MS4A3: variants seen among roughly 807,000 people sequenced by gnomAD.
MS4A3 encodes the protein membrane-spanning 4-domains subfamily A member 3.
A neutral mutation model predicts 24.7 loss-of-function variants in MS4A3; 18 were observed. The ratio of observed to expected loss-of-function variants is 0.73; its 90% CI spans 0.50 to 1.08. MS4A3 has a LOEUF of 1.08. Among genes scored for constraint, MS4A3 ranks in the 50% least tolerant of loss-of-function variants. The probability of loss-of-function intolerance (pLI) is 0.00; values close to 1 mark genes in which losing one functional copy is unlikely to be tolerated. For synonymous variants in MS4A3, 84 were observed against 95.3 expected (o/e 0.88, Z 0.69); for missense variants, 282 against 251.7 (o/e 1.12, Z -0.82).
In MS4A3 at chr11:60,068,867, C is replaced by T. The variant is rs997871525; in HGVS notation, c.514-707C>T. Among the ~76,000 whole-genome samples, 5 of 152,172 alleles carry T rather than the reference C, an allele frequency of 3.3e-5. No individual in the cohort carries two copies. In the South Asian group the frequency reaches 1.0e-3, roughly 32 times the overall value. On this transcript the variant is annotated intron_variant, in intron 5 of 6. Transcript: ENST00000278865. ...ATCCCTCCCCCAGCCCCCCACCCCA[C>T]GACAGGCCCTGGTGTGTGATGTTCC...
intron 1 of MS4A3, among the ~76,000 whole-genome samples, chr11:60,059,057 A>G (rs940723121): frequency 6.6e-6 from 1 of 152,204 alleles, no homozygotes; most frequent in African/African-American, 2.4e-5. Context: ...ATGAAAATCA[A>G]TATTGGTAGG....
rs189919444 is a variant in MS4A3 at position 60,070,486 on chromosome 11, C to A, written c.*253C>A. On this transcript the variant is annotated 3_prime_UTR_variant, in exon 7 of 7. Coordinates refer to ENST00000278865, the MANE Select transcript of MS4A3 (RefSeq NM_006138.5). The stretch of plus-strand genomic sequence containing the variant: ...TTTAGGCATTCTTGGATATCTGTAA[C>A]TTCTATGATCATTACTCCAAAGTTG... 19 of 411,884 alleles carry A rather than the reference C, an allele frequency of 4.6e-5. No individual in the cohort carries two copies. In the East Asian group the frequency reaches 8.1e-4, roughly 18 times the overall value. 25.5% of individuals were successfully genotyped at this position (411,884 alleles called of 1,614,324 possible).
In MS4A3 at chr11:60,061,285, A is replaced by C; in HGVS notation, c.125A>C (p.Asp42Ala). The C allele has an allele frequency of 6.2e-7, 1 of 1,611,306 alleles. No individual in the cohort carries two copies. Among genetic ancestry groups the C allele is most frequent in the Admixed American group, 1.7e-5 (1 of 59,138 alleles). The change falls in exon 2 of 7, where the codon GAT (aspartate) becomes GCT (alanine). Residue 42 changes from aspartate to alanine, a missense_variant. Coordinates refer to ENST00000278865, the MANE Select transcript of MS4A3 (RefSeq NM_006138.5). ...TACCAGCCCATAGATGGATCACCAGATTATCAGAAAGCAAAATTACAAGTT... is the reference window on the plus strand; with the variant it reads ...TACCAGCCCATAGATGGATCACCAGCTTATCAGAAAGCAAAATTACAAGTT... ...SVYQPIDGSP[D>A]YQKAKLQVLG...
chr11:60,062,255 G>C (rs888678261), intron 2 of MS4A3, among the ~76,000 whole-genome samples: 1 of 152,186 alleles, frequency 6.6e-6, no homozygotes, highest in Non-Finnish European at 1.5e-5. Context: ...AAATGTGGGG[G>C]AGAGGTGAAG....
At chr11:60,062,662 T>A (rs1353848441) in intron 3 of MS4A3, 57 bp downstream of exon 3, 5 of 1,588,458 alleles carry the variant, frequency 3.1e-6, no homozygotes, top group Non-Finnish European at 4.3e-6. Context: ...CTGCTGGAGA[T>A]GTGTTTGATG....
intron 4 of MS4A3, among the ~76,000 whole-genome samples, chr11:60,065,638 G>T (rs904406279): frequency 1.3e-5 from 2 of 152,136 alleles, no homozygotes; most frequent in Non-Finnish European, 2.9e-5. Flanking sequence ...CTAAAACAAC[G>T]GTCAACTCTT....
At position 60,069,571 on chromosome 11, in the gene MS4A3, T is replaced by C. The variant is rs762975918; in HGVS notation, c.514-3T>C. 1.9e-6 allele frequency: 3 copies of C among 1,605,328 alleles called. No individual in the cohort carries two copies. The highest frequency in any genetic ancestry group is 2.2e-5 in the South Asian group (2 of 90,614). ...GTTTGATATAAGGCATCATATCCCCTAGGGCATGGTGTCTCTACTGCTGAT... is the reference window on the plus strand; with the variant it reads ...GTTTGATATAAGGCATCATATCCCCCAGGGCATGGTGTCTCTACTGCTGAT... On this transcript the variant is annotated splice_region_variant and splice_polypyrimidine_tract_variant and intron_variant, in intron 5 of 6. Coordinates refer to ENST00000278865, the MANE Select transcript of MS4A3 (RefSeq NM_006138.5).
chr11:60,062,426 T>C (rs1855290867), intron 2 of MS4A3, 42 bp from the exon 3 acceptor site: 11 of 1,611,738 alleles, frequency 6.8e-6, no homozygotes, highest in Non-Finnish European at 9.3e-6. Flanking sequence ...GTGTCCACTT[T>C]AGTATATGAC....
At chr11:60,064,026 A>T (rs997695027) in intron 3 of MS4A3, among the ~76,000 whole-genome samples, 2 of 151,760 alleles carry the variant, frequency 1.3e-5, no homozygotes, top group Admixed American at 6.6e-5. Flanking sequence ...AATAAAAAAA[A>T]TTTAAAAAAT....
intron 1 of MS4A3, among the ~76,000 whole-genome samples, chr11:60,058,160 G>A (rs1855201388): frequency 6.6e-6 from 1 of 152,056 alleles, no homozygotes; most frequent in Non-Finnish European, 1.5e-5. Context: ...GCTTCTTCCA[G>A]AGTTGGCCAG....
chr11:60,067,212 C>CTTTTT (rs35764500), intron 5 of MS4A3, 100 bp downstream of exon 5: 456 of 548,242 alleles, frequency 8.3e-4, no homozygotes, highest in Admixed American at 1.4e-3. Context: ...TAATTTGAAT[C>CTTTTT]TTTTTTTTTT....
At chr11:60,066,781 A>G (rs952413015) in intron 4 of MS4A3, among the ~76,000 whole-genome samples, 170 bp from the exon 5 acceptor site, 1 of 152,192 alleles carries the variant, frequency 6.6e-6, no homozygotes, top group African/African-American at 2.4e-5. Flanking sequence ...TATAAGCTCC[A>G]TGGAGGGTGG....
intron 4 of MS4A3, among the ~76,000 whole-genome samples, chr11:60,066,366 G>C (rs764150566): frequency 3.3e-5 from 5 of 152,032 alleles, no homozygotes; most frequent in African/African-American, 4.8e-5. Flanking sequence ...CATTGGCTTT[G>C]TATTTTTCTT....
chr11:60,066,474 G>A (rs1445223740), intron 4 of MS4A3, among the ~76,000 whole-genome samples: 4 of 151,926 alleles, frequency 2.6e-5, no homozygotes, highest in Non-Finnish European at 5.9e-5. Flanking sequence ...TATTGACTAC[G>A]TGCCTCCAAC....
chr11:60,063,319 A>G (rs1489549689), intron 3 of MS4A3, among the ~76,000 whole-genome samples: 5 of 152,208 alleles, frequency 3.3e-5, no homozygotes, highest in African/African-American at 1.2e-4. Context: ...AATCATTTCC[A>G]TTATCTGGGT....
intron 1 of MS4A3, 89 bp downstream of exon 1, chr11:60,056,829 G>C (rs1855176984): frequency 6.6e-6 from 1 of 152,150 alleles, no homozygotes; most frequent in African/African-American, 2.4e-5. Flanking sequence ...TGTCTGCAAA[G>C]GTCTCTGTTT....
chr11:60,066,534 G>T (rs968133282), intron 4 of MS4A3, among the ~76,000 whole-genome samples: 1 of 152,152 alleles, frequency 6.6e-6, no homozygotes, highest in East Asian at 1.9e-4. Flanking sequence ...AGGATTTTGA[G>T]TGTTTCCCTA....
chr11:60,064,282 G>A lies in MS4A3; in HGVS notation c.315G>A (p.Leu105=). The A allele has an allele frequency of 3.7e-6, 6 of 1,603,946 alleles. No homozygotes were observed. Among genetic ancestry groups the A allele is most frequent in the Non-Finnish European group, 4.3e-6 (5 of 1,175,314 alleles). The change falls in exon 4 of 7, where the codon TTG becomes TTA. Residue 105 remains leucine (L), a synonymous_variant. Transcript: ENST00000278865. The stretch of plus-strand genomic sequence containing the variant: ...AACAGTTCTGTAGTTCAGGAACCTT[G>A]TCTGTTGTAGCAGGGATAAAACCCA... ...GAVFFCSSGT[L]SVVAGIKPTR... is the part of the protein sequence containing the mutation.
intron 4 of MS4A3, among the ~76,000 whole-genome samples, chr11:60,066,318 A>G (rs1855360183): frequency 6.6e-6 from 1 of 152,208 alleles, no homozygotes; most frequent in Non-Finnish European, 1.5e-5. Flanking sequence ...CCTTGAAACC[A>G]TAAAGCCAAG....
Sources: gnomAD v4.1 joint callset for allele counts (sites outside exome capture counted in the v4.1 genomes callset) on GRCh38, gnomAD v4.1.1 for gene constraint, MANE v1.5 for transcripts, NCBI Gene and HGNC (gene_info 2026-07-23, HGNC 2026-07-21) for gene names.